GPHN: variants seen among roughly 807,000 people sequenced by gnomAD.
GPHN encodes gephyrin.
In GPHN, 17 loss-of-function variants were observed where a neutral mutation model predicts 95.5. The ratio of observed to expected loss-of-function variants is 0.18; its 90% CI spans 0.12 to 0.27. GPHN has a LOEUF of 0.27. GPHN is among the 10% of genes least tolerant of loss of function. The pLI is 1.00. For synonymous variants in GPHN, 320 were observed against 322.5 expected (o/e 0.99, Z 0.08); for missense variants, 660 against 978.1 (o/e 0.67, Z 4.34).
chr14:67,693,336 G>T, the GPHN span, among the ~76,000 whole-genome samples: 3 of 152,160 alleles, frequency 2.0e-5, no homozygotes, highest in Non-Finnish European at 4.4e-5. Context: ...CCTGGCTTTG[G>T]TTTGAGCTCT....
At chr14:67,078,480 CT>C (rs1444496116) in intron 11 of GPHN, among the ~76,000 whole-genome samples, 2 of 152,086 alleles carry the variant, frequency 1.3e-5, no homozygotes, top group Non-Finnish European at 2.9e-5. Flanking sequence ...CTTAGGATAC[CT>C]TTCTAAAATC....
chr14:67,040,861 A>T (rs1386396190), intron 10 of GPHN, among the ~76,000 whole-genome samples: 2 of 152,180 alleles, frequency 1.3e-5, no homozygotes, highest in Non-Finnish European at 2.9e-5. Context: ...TGGTGATATT[A>T]ACTTTGATCA....
the GPHN span, among the ~76,000 whole-genome samples, chr14:67,296,296 A>C: frequency 2.0e-5 from 3 of 152,134 alleles, no homozygotes; most frequent in Non-Finnish European, 4.4e-5. Flanking sequence ...CATAGGACTT[A>C]ATGTTAAAAG....
intron 8 of GPHN, among the ~76,000 whole-genome samples, chr14:66,948,719 A>T (rs2067905094): frequency 6.6e-6 from 1 of 152,204 alleles, no homozygotes; most frequent in Non-Finnish European, 1.5e-5. Flanking sequence ...AAACCTACAG[A>T]CCTACTTTCT....
intron 1 of GPHN, among the ~76,000 whole-genome samples, chr14:66,607,035 G>A (rs1045021564): frequency 6.6e-6 from 1 of 152,148 alleles, no homozygotes; most frequent in African/African-American, 2.4e-5. Context: ...CAAGGAGAAT[G>A]ACTCCGGCTT....
At chr14:67,548,561 G>T in the GPHN span, among the ~76,000 whole-genome samples, 3 of 152,144 alleles carry the variant, frequency 2.0e-5, no homozygotes, top group Admixed American at 1.3e-4. Flanking sequence ...GCCAGGCATG[G>T]TGGTGCATGC....
chr14:66,578,002 C>T (rs1336539547), intron 1 of GPHN, among the ~76,000 whole-genome samples: 1 of 151,822 alleles, frequency 6.6e-6, no homozygotes, highest in African/African-American at 2.4e-5. Context: ...ATCTCTGACT[C>T]ATTTCTCCTC....
the GPHN span, chr14:67,204,413 A>G: frequency 1.5e-6 from 2 of 1,338,710 alleles, no homozygotes; most frequent in Admixed American, 3.1e-5. Flanking sequence ...CTGCACTCCA[A>G]CGTGGGCAAC....
At chr14:67,398,544 A>G in the GPHN span, among the ~76,000 whole-genome samples, 1 of 147,842 alleles carries the variant, frequency 6.8e-6, no homozygotes, top group Admixed American at 6.7e-5. Context: ...CTGAGAACCA[A>G]CTAAACTACC....
the GPHN span, among the ~76,000 whole-genome samples, chr14:67,687,091 G>C: frequency 7.2e-5 from 11 of 152,160 alleles, no homozygotes; most frequent in African/African-American, 2.7e-4. Flanking sequence ...CCTAAAGCAT[G>C]CATCTCCAGT....
the GPHN span, chr14:67,573,899 C>G: frequency 2.4e-5 from 39 of 1,592,676 alleles, no homozygotes; most frequent in African/African-American, 5.1e-4. The surrounding 1 kb of genome is among the most constrained non-coding windows in gnomAD (Gnocchi z 4.8). Context: ...TGAGCACGCT[C>G]CTGGCTGCTA....
chr14:66,553,533 G>A (rs1181150923), intron 1 of GPHN, among the ~76,000 whole-genome samples: 1 of 151,628 alleles, frequency 6.6e-6, no homozygotes, highest in Non-Finnish European at 1.5e-5. Flanking sequence ...TCCTGCCAAC[G>A]TCAATATACT....
the GPHN span, among the ~76,000 whole-genome samples, chr14:67,639,259 T>C: frequency 2.0e-5 from 3 of 152,216 alleles, no homozygotes; most frequent in African/African-American, 4.8e-5. Context: ...GTTTGCATGA[T>C]TGGACTTGGG....
the GPHN span, among the ~76,000 whole-genome samples, chr14:67,413,571 C>A: frequency 6.6e-6 from 1 of 152,224 alleles, no homozygotes; most frequent in African/African-American, 2.4e-5. Context: ...AGCTCCCAGG[C>A]CAGTCCCTGC....
intron 8 of GPHN, among the ~76,000 whole-genome samples, chr14:66,938,753 A>G (rs920188643): frequency 1.3e-5 from 2 of 152,370 alleles, no homozygotes; most frequent in East Asian, 1.9e-4. Flanking sequence ...TCAGGTAAAC[A>G]TCAAAATTTG....
intron 1 of GPHN, among the ~76,000 whole-genome samples, chr14:66,662,326 C>T (rs1291870276): frequency 1.3e-5 from 2 of 152,166 alleles, no homozygotes; most frequent in Non-Finnish European, 2.9e-5. Flanking sequence ...GGGCAGGCTG[C>T]CATCTTTGCA....
chr14:67,594,273 C>T, the GPHN span, among the ~76,000 whole-genome samples: 1 of 150,670 alleles, frequency 6.6e-6, no homozygotes. Flanking sequence ...CGTTTGAGCC[C>T]AGGAGTTCGA....
chr14:67,405,106 G>A, the GPHN span, among the ~76,000 whole-genome samples: 3 of 149,782 alleles, frequency 2.0e-5, no homozygotes, highest in East Asian at 2.0e-4. Flanking sequence ...GGTGGCAGGC[G>A]CCTGTAATCC....
At chr14:66,625,563 C>T (rs1480611419) in intron 1 of GPHN, among the ~76,000 whole-genome samples, 1 of 152,080 alleles carries the variant, frequency 6.6e-6, no homozygotes, top group Non-Finnish European at 1.5e-5. Context: ...CTTTTCCCTA[C>T]CTTTGTTTTC....
Sources: gnomAD v4.1 joint callset for allele counts (sites outside exome capture counted in the v4.1 genomes callset) on GRCh38, gnomAD v4.1.1 for gene constraint, Gnocchi (gnomAD v3.1) non-coding constraint, MANE v1.5 for transcripts, NCBI Gene and HGNC (gene_info 2026-07-23, HGNC 2026-07-21) for gene names.